The following DAB1 variants were observed in gnomAD, a reference collection of about 807,000 sequenced individuals.
DAB1 encodes disabled homolog 1.
Under a neutral mutation model 64.6 loss-of-function variants are expected in DAB1, and 15 were observed. The observed-to-expected ratio is 0.23, with a 90% CI of 0.16 to 0.36. DAB1 has a LOEUF of 0.36. Among genes scored for constraint, DAB1 ranks in the 10% least tolerant of loss-of-function variants. The pLI is 1.00. For missense variants in DAB1, 596 were observed against 706.7 expected, an observed-to-expected ratio of 0.84 and a Z score of 1.78; for synonymous variants, 235 against 251.9, an observed-to-expected ratio of 0.93 and a Z score of 0.64.
intron 4 of DAB1, among the ~76,000 whole-genome samples, chr1:58,220,210 A>G (rs1659085100): frequency 6.6e-6 from 1 of 152,224 alleles, no homozygotes; most frequent in East Asian, 1.9e-4. Context: ...GATATTGTAG[A>G]AAGAGTGATC....
intron 1 of DAB1, among the ~76,000 whole-genome samples, chr1:58,544,750 C>T (rs11207253): frequency 0.65 from 98,801 of 152,092 alleles, 34,197 homozygotes; most frequent in East Asian, 0.94. Flanking sequence ...TGCATTACCA[C>T]ATCTGGCTAA....
intron 7 of DAB1, among the ~76,000 whole-genome samples, chr1:57,561,752 C>T (rs1396351516): frequency 6.6e-6 from 1 of 152,190 alleles, no homozygotes; most frequent in Non-Finnish European, 1.5e-5. Flanking sequence ...GACTTCCACT[C>T]ACCAAGGCTG....
At chr1:57,429,750 T>G (rs1685429785) in intron 7 of DAB1, among the ~76,000 whole-genome samples, 1 of 152,206 alleles carries the variant, frequency 6.6e-6, no homozygotes, top group African/African-American at 2.4e-5. Context: ...AGACTATCCT[T>G]TCCCCTTTAT....
chr1:57,089,059 G>A (rs1322596693), intron 4 of DAB1, among the ~76,000 whole-genome samples: 2 of 152,178 alleles, frequency 1.3e-5, no homozygotes, highest in Admixed American at 6.5e-5. Flanking sequence ...TGCTTTTTGT[G>A]ACTTTCCTTT....
intron 2 of DAB1, among the ~76,000 whole-genome samples, chr1:58,509,649 T>C (rs1419011376): frequency 8.4e-6 from 1 of 119,626 alleles, no homozygotes. Context: ...AGGGAAATAA[T>C]AAAGATTAGA....
chr1:57,979,238 G>T (rs886268474), intron 5 of DAB1, among the ~76,000 whole-genome samples: 2 of 152,252 alleles, frequency 1.3e-5, no homozygotes, highest in East Asian at 3.9e-4. Flanking sequence ...CAGCCATAAA[G>T]AAAGGATGAG....
At chr1:57,931,610 A>G (rs1181668653) in intron 5 of DAB1, among the ~76,000 whole-genome samples, 1 of 152,152 alleles carries the variant, frequency 6.6e-6, no homozygotes, top group Non-Finnish European at 1.5e-5. Context: ...GATCCATTTC[A>G]TCTAGGCTAT....
At chr1:57,543,651 G>T (rs1487814373) in intron 7 of DAB1, among the ~76,000 whole-genome samples, 2 of 152,152 alleles carry the variant, frequency 1.3e-5, no homozygotes, top group Non-Finnish European at 2.9e-5. Context: ...ACTTAGAGAA[G>T]ATTCCATGGG....
At chr1:58,123,967 T>C (rs968739752) in intron 5 of DAB1, among the ~76,000 whole-genome samples, 47 of 152,208 alleles carry the variant, frequency 3.1e-4, no homozygotes, top group African/African-American at 1.1e-3. Context: ...AAGAATTATA[T>C]GAATTGTAGA....
intron 6 of DAB1, among the ~76,000 whole-genome samples, chr1:57,744,777 C>G (rs1570788659): frequency 6.6e-6 from 1 of 152,314 alleles, no homozygotes; most frequent in Middle Eastern, 3.4e-3. Flanking sequence ...CATTTAAGCA[C>G]ATACATCCTC....
chr1:57,594,044 C>T (rs1645477561), intron 7 of DAB1, among the ~76,000 whole-genome samples: 1 of 152,166 alleles, frequency 6.6e-6, no homozygotes, highest in South Asian at 2.1e-4. Context: ...ATAGGTTCCC[C>T]TCAAGAAAGA....
At chr1:57,213,317 G>C (rs1666174290) in intron 2 of DAB1, among the ~76,000 whole-genome samples, 1 of 151,990 alleles carries the variant, frequency 6.6e-6, no homozygotes, top group Non-Finnish European at 1.5e-5. Flanking sequence ...TCAGTACTAA[G>C]GCATTGAAAT....
chr1:57,197,355 A>AAAAG (rs1228899902), intron 2 of DAB1, among the ~76,000 whole-genome samples: 1 of 149,860 alleles, frequency 6.7e-6, no homozygotes, highest in Non-Finnish European at 1.5e-5. Context: ...AAAAAAAAAA[A>AAAAG]AAAGAAAGAA....
intron 1 of DAB1, among the ~76,000 whole-genome samples, chr1:57,332,210 CG>C (rs1365536299): frequency 2.0e-5 from 3 of 151,294 alleles, no homozygotes; most frequent in Non-Finnish European, 3.0e-5. Context: ...GTAATCTGCC[CG>C]CCTTGGCCTC....
At chr1:57,646,039 G>A (rs1646187942) in intron 7 of DAB1, among the ~76,000 whole-genome samples, 1 of 137,914 alleles carries the variant, frequency 7.3e-6, no homozygotes, top group Admixed American at 7.6e-5. Context: ...ACTGAAGAAG[G>A]GGGAGAAAAG....
chr1:57,182,000 C>T (rs533902139), intron 2 of DAB1, among the ~76,000 whole-genome samples: 1 of 152,318 alleles, frequency 6.6e-6, no homozygotes, highest in East Asian at 1.9e-4. Flanking sequence ...ATACTCCTGC[C>T]TCAGCCTCCC....
intron 6 of DAB1, among the ~76,000 whole-genome samples, chr1:57,781,337 T>G (rs1650089156): frequency 6.6e-6 from 1 of 151,572 alleles, no homozygotes; most frequent in African/African-American, 2.4e-5. Context: ...ACTTGAAGAA[T>G]CTGGTATTAT....
At chr1:57,061,699 T>C (rs1650412367) in intron 9 of DAB1, among the ~76,000 whole-genome samples, 1 of 152,182 alleles carries the variant, frequency 6.6e-6, no homozygotes, top group African/African-American at 2.4e-5. Flanking sequence ...TATGTATTCT[T>C]TTATCCAGGC....
rs61765632 is a variant in DAB1 at position 57,248,162 on chromosome 1, C to T, written c.67+42802G>A. On this transcript the variant is annotated intron_variant, in intron 2 of 14. Transcript: ENST00000371236. The stretch of plus-strand genomic sequence containing the variant: ...TAAATCATCTCTAGATCACTTATAA[C>T]AATGAATATGACATAAATTCTATGT... Among the ~76,000 whole-genome samples, 1,168 of 152,262 alleles carry T rather than the reference C, an allele frequency of 7.7e-3. 29 individuals carry two copies. The East Asian group carries it at 0.08, about 10-fold the overall frequency.
Sources: allele counts gnomAD v4.1 joint callset (sites outside exome capture counted in the v4.1 genomes callset), GRCh38; gene constraint gnomAD v4.1.1; transcripts MANE v1.5; gene names NCBI Gene and HGNC (gene_info 2026-07-23, HGNC 2026-07-21).